Variants in TXNRD1 observed in about 807,000 individuals in gnomAD.
The protein encoded by TXNRD1 is thioredoxin reductase 1, cytoplasmic.
Under a neutral mutation model 80.3 loss-of-function variants are expected in TXNRD1, and 57 were observed. That is an observed-to-expected ratio of 0.71 (90% CI 0.57 to 0.89). The LOEUF is 0.89. Among genes scored for constraint, TXNRD1 ranks in the 40% least tolerant of loss-of-function variants. The pLI, the probability that TXNRD1 is intolerant of heterozygous loss-of-function variation, is 0.00. For missense variants in TXNRD1, 730 were observed against 803.0 expected (o/e 0.91, Z 1.10); for synonymous variants, 291 against 285.2 (o/e 1.02, Z -0.20).
chr12:104,328,387 G>T (rs1269355667), intron 13 of TXNRD1, among the ~76,000 whole-genome samples: 3 of 152,180 alleles, frequency 2.0e-5, no homozygotes, highest in African/African-American at 7.2e-5. Context: ...AAGGACTTGA[G>T]GATTTAGGTA....
At chr12:104,336,001 T>G (rs34999355) in intron 15 of TXNRD1, among the ~76,000 whole-genome samples, 2 of 152,328 alleles carry the variant, frequency 1.3e-5, no homozygotes, top group East Asian at 3.9e-4. Context: ...GTATATATAG[T>G]TGTCTTTTTC....
Position 104,315,807 on chromosome 12 carries a change from G to A in TXNRD1, c.641G>A (p.Cys214Tyr), listed in dbSNP as rs769786426. 1 of 1,612,002 alleles carries A rather than the reference G, an allele frequency of 6.2e-7. No individual in the cohort carries two copies. The highest frequency in any genetic ancestry group is 8.5e-7 in the Non-Finnish European group (1 of 1,178,706). ...GLGGTCVNVG[C>Y]IPKKLMHQAA... is the part of the protein sequence containing the mutation. ...GGAGGAACATGTGTGAATGTGGGTT[G>A]CATACCTAAAAAACTGATGCATCAA... The change falls in exon 7 of 17, where the codon TGC becomes TAC. Residue 214 changes from cysteine to tyrosine, a missense_variant. Physicochemically the swap from Cys to Tyr is radical, Grantham distance 194. Transcript: ENST00000525566.
intron 1 of TXNRD1, among the ~76,000 whole-genome samples, chr12:104,246,767 C>T (rs894662484): frequency 6.6e-6 from 1 of 151,888 alleles, no homozygotes; most frequent in Non-Finnish European, 1.5e-5. Flanking sequence ...GTGATCCGCC[C>T]GCCTCGGTCT....
intron 1 of TXNRD1, among the ~76,000 whole-genome samples, chr12:104,217,468 G>A (rs1254993239): frequency 1.3e-5 from 2 of 151,620 alleles, no homozygotes; most frequent in African/African-American, 2.4e-5. Context: ...GCACCACCAC[G>A]CCTGGCTAAT....
Position 104,319,491 on chromosome 12 carries a change from G to GA in TXNRD1, c.901dup (p.Ile301AsnfsTer13). ...GTAGGCAACAAATAATAAAGGCAAA[G>GA]AAAAAATTTATTCAGCAGAGAGATT... On this transcript the variant is annotated frameshift_variant, in exon 9 of 17. Transcript: ENST00000525566. LOFTEE classifies it high-confidence loss of function. 1.3e-6 allele frequency: 2 copies of GA among 1,589,794 alleles called. No individual in the cohort carries two copies. The highest frequency in any genetic ancestry group is 1.8e-5 in the Admixed American group (1 of 55,802).
intron 3 of TXNRD1, among the ~76,000 whole-genome samples, chr12:104,267,685 C>G (rs571914494): frequency 5.6e-4 from 22 of 39,140 alleles, no homozygotes; most frequent in South Asian, 1.4e-3. Context: ...TTCTTTCTTT[C>G]TTTCTTTCTT....
chr12:104,216,206 C>A (rs1403147917), intron 1 of TXNRD1, among the ~76,000 whole-genome samples: 1 of 152,268 alleles, frequency 6.6e-6, no homozygotes, highest in East Asian at 1.9e-4. Context: ...CGGCAGCGAC[C>A]CGCCTGATTT....
intron 8 of TXNRD1, 80 bp from the exon 9 acceptor site, chr12:104,319,390 G>C (rs1593832275): frequency 7.9e-6 from 7 of 890,960 alleles, no homozygotes; most frequent in Non-Finnish European, 8.8e-6. Context: ...ACAATGTAGT[G>C]AATGGCCTTT....
chr12:104,313,519 G>C (rs980830559), intron 6 of TXNRD1, among the ~76,000 whole-genome samples: 3 of 152,186 alleles, frequency 2.0e-5, no homozygotes, highest in African/African-American at 7.2e-5. Flanking sequence ...TTGGCACAGA[G>C]TCAAGAAGTA....
intron 3 of TXNRD1, among the ~76,000 whole-genome samples, chr12:104,271,609 A>T (rs7969351): frequency 6.6e-6 from 1 of 151,956 alleles, no homozygotes; most frequent in East Asian, 1.9e-4. Context: ...CTTAAGGGTC[A>T]GGGAGATTAC....
rs150233521 is a variant in TXNRD1, at chr12:104,241,032, C to T, written c.92-10495C>T. On this transcript the variant is annotated intron_variant, in intron 1 of 16. Coordinates refer to ENST00000525566, the MANE Select transcript of TXNRD1 (RefSeq NM_001093771.3). Reference sequence around the variant, plus strand: ...TTGGGATTACAGGCATGAGTCACTGCGCCCAGTTTTTTTTTTTCTTTTTTT... The same window carrying T: ...TTGGGATTACAGGCATGAGTCACTGTGCCCAGTTTTTTTTTTTCTTTTTTT... Among the ~76,000 whole-genome samples, 1,106 of 147,598 alleles carry T rather than the reference C, an allele frequency of 7.5e-3. 5 individuals are homozygous for T. Among genetic ancestry groups the T allele is most frequent in the Non-Finnish European group, 0.012 (784 of 67,038 alleles).
At chr12:104,230,969 A>T (rs1011425563) in intron 1 of TXNRD1, among the ~76,000 whole-genome samples, 2 of 152,128 alleles carry the variant, frequency 1.3e-5, no homozygotes, top group African/African-American at 2.4e-5. Context: ...GTTGCCAGGC[A>T]CATGTCGGGG....
intron 4 of TXNRD1, among the ~76,000 whole-genome samples, chr12:104,295,899 C>G (rs75155153): frequency 3.2e-4 from 49 of 152,130 alleles, no homozygotes; most frequent in Non-Finnish European, 3.4e-4. Context: ...AGCAAATATG[C>G]CTGTTAATGA....
chr12:104,218,316 G>A (rs868669724), intron 1 of TXNRD1, among the ~76,000 whole-genome samples: 16 of 151,884 alleles, frequency 1.1e-4, no homozygotes, highest in South Asian at 2.1e-4. Context: ...GAGCCACCAC[G>A]CCCGGCCTGA....
At position 104,331,619 on chromosome 12, in the gene TXNRD1, A is replaced by G. The variant is rs367604146; in HGVS notation, c.1628A>G (p.Lys543Arg). The G allele has an allele frequency of 6.8e-6, 11 of 1,611,762 alleles. No individual in the cohort carries two copies. Among genetic ancestry groups the G allele is most frequent in the Admixed American group, 1.7e-5 (1 of 59,920 alleles). ...CGLSEEKAVEKFGEENIEVYH... is the reference protein window; with the variant it reads ...CGLSEEKAVERFGEENIEVYH... Reference sequence around the variant, plus strand: ...CTTTCTGAGGAGAAAGCTGTGGAGAAGTTTGGGGAAGAAAATATTGAGGTA... The same window carrying G: ...CTTTCTGAGGAGAAAGCTGTGGAGAGGTTTGGGGAAGAAAATATTGAGGTA... The change falls in exon 14 of 17, where the codon AAG (lysine) becomes AGG (arginine). Residue 543 changes from lysine (K) to arginine (R), a missense_variant. Transcript: ENST00000525566.
intron 16 of TXNRD1, among the ~76,000 whole-genome samples, chr12:104,344,882 C>T (rs1428959682): frequency 6.6e-6 from 1 of 152,190 alleles, no homozygotes; most frequent in Non-Finnish European, 1.5e-5. Flanking sequence ...CTTAACTGGG[C>T]ATTTATCCCA....
rs780154923 is a variant in TXNRD1 at position 104,304,077 on chromosome 12, T to G, written c.415-7213T>G. 1 of 1,613,942 alleles carries G rather than the reference T, an allele frequency of 6.2e-7. No homozygotes were observed. Among genetic ancestry groups the G allele is most frequent in the East Asian group, 2.2e-5 (1 of 44,886 alleles). On this transcript the variant is annotated intron_variant, in intron 4 of 16. Coordinates refer to ENST00000525566, the MANE Select transcript of TXNRD1 (RefSeq NM_001093771.3). ...ATCCGCAGGCAGTACCGGCAGCTCATGTACTGCGTGCGGCAGAACCGGGAG... is the reference window on the plus strand; with the variant it reads ...ATCCGCAGGCAGTACCGGCAGCTCAGGTACTGCGTGCGGCAGAACCGGGAG...
rs11391182 is a variant in TXNRD1 at position 104,218,624 on chromosome 12, C to CTT, written c.91+2741_91+2742dup. Reference sequence around the variant, plus strand: ...AGGTATTTTTCTTTTTCTTTTCTTTCTTTTTTTTTTTGAAATAGGGTCTTG... The same window carrying CTT: ...AGGTATTTTTCTTTTTCTTTTCTTTCTTTTTTTTTTTTTGAAATAGGGTCTTG... On this transcript the variant is annotated intron_variant, in intron 1 of 16. Transcript: ENST00000525566. 3.3e-3 allele frequency among the ~76,000 whole-genome samples: 493 copies of CTT among 147,576 alleles called. 1 individual carries two copies. Among genetic ancestry groups the CTT allele is most frequent in the Non-Finnish European group, 5.3e-3 (352 of 66,940 alleles).
At chr12:104,333,280 TTAATA>T (rs1311455218) in intron 14 of TXNRD1, among the ~76,000 whole-genome samples, 2 of 151,980 alleles carry the variant, frequency 1.3e-5, no homozygotes, top group Non-Finnish European at 2.9e-5. Context: ...TTTGAAATTT[TTAATA>T]TATATTTCAT....
Sources: gnomAD v4.1 joint callset for allele counts (sites outside exome capture counted in the v4.1 genomes callset) on GRCh38, gnomAD v4.1.1 for gene constraint, MANE v1.5 for transcripts, NCBI Gene and HGNC (gene_info 2026-07-23, HGNC 2026-07-21) for gene names.